Variants in MAGI2 observed in about 807,000 individuals in gnomAD.
The protein encoded by MAGI2 is membrane-associated guanylate kinase, WW and PDZ domain-containing protein 2.
A neutral mutation model predicts 133.3 loss-of-function variants in MAGI2; 35 were observed. The observed-to-expected ratio is 0.26, with a 90% CI of 0.20 to 0.35. The LOEUF (loss-of-function observed/expected upper bound fraction) is 0.35, where lower values mean the gene tolerates loss of function less well. MAGI2 is among the 10% of genes least tolerant of loss of function. The probability of loss-of-function intolerance (pLI) is 1.00; values close to 1 mark genes in which losing one functional copy is unlikely to be tolerated. For missense variants in MAGI2, 1,636 were observed against 1,863.4 expected, an observed-to-expected ratio of 0.88 and a Z score of 2.25; for synonymous variants, 729 against 710.6, an observed-to-expected ratio of 1.03 and a Z score of -0.41.
At position 78,539,514 on chromosome 7, in the gene MAGI2, G is replaced by T. The variant is rs185870468; in HGVS notation, c.539-17869C>A. On this transcript the variant is annotated intron_variant, in intron 3 of 21. Coordinates refer to ENST00000354212, the MANE Select transcript of MAGI2 (RefSeq NM_012301.4). ...TTTTTGTGCCCTTTCAAGACATTTT[G>T]ATGTAGGCATTTAATGCTATGAACT... Among the ~76,000 whole-genome samples the T allele has an allele frequency of 3.5e-3, 535 of 152,028 alleles. 4 individuals carry two copies. Among genetic ancestry groups the T allele is most frequent in the African/African-American group, 0.013 (519 of 41,494 alleles).
intron 9 of MAGI2, among the ~76,000 whole-genome samples, chr7:78,287,530 A>C (rs991294023): frequency 1.3e-5 from 2 of 152,308 alleles, no homozygotes; most frequent in South Asian, 2.1e-4. Flanking sequence ...TGTCATTATG[A>C]AAGGATGTAG....
intron 9 of MAGI2, among the ~76,000 whole-genome samples, chr7:78,337,435 T>C (rs1017745282): frequency 3.9e-5 from 6 of 152,210 alleles, no homozygotes; most frequent in African/African-American, 1.4e-4. Context: ...TTCCCAACTC[T>C]ACCCTTGTTT....
At chr7:78,968,993 A>G (rs1322112397) in intron 2 of MAGI2, among the ~76,000 whole-genome samples, 1 of 152,074 alleles carries the variant, frequency 6.6e-6, no homozygotes, top group East Asian at 1.9e-4. Context: ...AGCAGCCTGA[A>G]AAGTCTAGCT....
chr7:79,032,260 T>C (rs1425314022), intron 1 of MAGI2, among the ~76,000 whole-genome samples: 1 of 152,154 alleles, frequency 6.6e-6, no homozygotes, highest in Non-Finnish European at 1.5e-5. Context: ...TTCACGCCTG[T>C]AATCCCAGAA....
intron 9 of MAGI2, among the ~76,000 whole-genome samples, chr7:78,272,956 G>A (rs1339732663): frequency 6.6e-6 from 1 of 152,126 alleles, no homozygotes; most frequent in Non-Finnish European, 1.5e-5. Flanking sequence ...GGTTAATATT[G>A]TTATGTATGA....
chr7:78,349,578 C>A (rs560278665), intron 7 of MAGI2, among the ~76,000 whole-genome samples: 22 of 152,258 alleles, frequency 1.4e-4, no homozygotes, highest in African/African-American at 5.3e-4. Context: ...ATTCCATTTA[C>A]CATCAAAATG....
intron 6 of MAGI2, among the ~76,000 whole-genome samples, chr7:78,458,475 T>G (rs927404013): frequency 2.0e-5 from 3 of 152,142 alleles, no homozygotes; most frequent in African/African-American, 7.2e-5. Flanking sequence ...TGTATTTGTT[T>G]TGATGTATGT....
intron 1 of MAGI2, among the ~76,000 whole-genome samples, chr7:79,191,215 C>T (rs1171449384): frequency 2.0e-5 from 3 of 151,290 alleles, no homozygotes; most frequent in Non-Finnish European, 4.4e-5. Context: ...CCATGTATAT[C>T]CCATTTTACT....
chr7:78,423,301 C>A (rs751375960), intron 6 of MAGI2, among the ~76,000 whole-genome samples: 1 of 152,148 alleles, frequency 6.6e-6, no homozygotes, highest in Non-Finnish European at 1.5e-5. Flanking sequence ...ACGCCATCTC[C>A]GTAAGATGTG....
chr7:78,636,351 CTTTTT>C (rs34984460), intron 2 of MAGI2, among the ~76,000 whole-genome samples: 1 of 129,224 alleles, frequency 7.7e-6, no homozygotes, highest in African/African-American at 2.8e-5. Flanking sequence ...CAAAAACAGG[CTTTTT>C]TTTTTTTTTT....
At chr7:78,460,452 T>C (rs1199556901) in intron 6 of MAGI2, among the ~76,000 whole-genome samples, 1 of 152,238 alleles carries the variant, frequency 6.6e-6, no homozygotes, top group Non-Finnish European at 1.5e-5. Context: ...TAATGAATTG[T>C]GGCAAAATAT....
intron 21 of MAGI2, 53 bp downstream of exon 21, chr7:78,078,894 T>C (rs1347848669): frequency 6.2e-7 from 1 of 1,602,882 alleles, no homozygotes; most frequent in Non-Finnish European, 8.5e-7. Context: ...ACCATAAGCA[T>C]TTATGGTTCA....
chr7:79,203,467 T>C (rs921292964), intron 1 of MAGI2, among the ~76,000 whole-genome samples: 1 of 152,012 alleles, frequency 6.6e-6, no homozygotes, highest in Non-Finnish European at 1.5e-5. Flanking sequence ...TGCCAACAAA[T>C]AACTCAGTTC....
At chr7:78,315,666 T>C (rs1296382952) in intron 9 of MAGI2, among the ~76,000 whole-genome samples, 2 of 152,198 alleles carry the variant, frequency 1.3e-5, no homozygotes, top group Non-Finnish European at 2.9e-5. Flanking sequence ...ATATTCAGAA[T>C]TGCAAACTGT....
intron 1 of MAGI2, among the ~76,000 whole-genome samples, chr7:79,166,448 A>G (rs976134937): frequency 4.6e-4 from 70 of 152,200 alleles, no homozygotes; most frequent in African/African-American, 1.5e-3. Flanking sequence ...CTCAAATGAG[A>G]TAGAAACCTT....
chr7:78,534,467 A>G (rs1797717195), intron 3 of MAGI2, among the ~76,000 whole-genome samples: 1 of 152,154 alleles, frequency 6.6e-6, no homozygotes, highest in Admixed American at 6.5e-5. Context: ...GTGTGTTTGT[A>G]TATATATGTG....
intron 1 of MAGI2, among the ~76,000 whole-genome samples, chr7:79,147,591 T>A: frequency 6.6e-6 from 1 of 152,194 alleles, no homozygotes; most frequent in East Asian, 1.9e-4. Context: ...CCCTTTGATG[T>A]CCACCCCAGG....
intron 1 of MAGI2, among the ~76,000 whole-genome samples, chr7:79,313,356 T>C (rs1838445257): frequency 1.3e-5 from 2 of 152,144 alleles, no homozygotes. Flanking sequence ...TTCACAGCTA[T>C]ATGTCCAGGA....
At chr7:78,996,973 T>A (rs555370045) in intron 2 of MAGI2, among the ~76,000 whole-genome samples, 2 of 152,138 alleles carry the variant, frequency 1.3e-5, no homozygotes, top group East Asian at 3.9e-4. Flanking sequence ...AAAAAGGTTG[T>A]AACAAATAAA....
Sources: allele counts gnomAD v4.1 joint callset (sites outside exome capture counted in the v4.1 genomes callset), GRCh38; gene constraint gnomAD v4.1.1; transcripts MANE v1.5; gene names NCBI Gene and HGNC (gene_info 2026-07-23, HGNC 2026-07-21).